CEP89: variants seen among roughly 807,000 people sequenced by gnomAD.
CEP89 encodes centrosomal protein of 89 kDa.
CEP89 carries 95 observed loss-of-function variants against 97.6 expected under a neutral mutation model. That is an observed-to-expected ratio of 0.97 (90% CI 0.82 to 1.15). The LOEUF is 1.15. CEP89 is among the 50% of genes most tolerant of loss of function. The pLI is 0.00. For missense variants in CEP89, 869 were observed against 947.7 expected, an observed-to-expected ratio of 0.92 and a Z score of 1.09; for synonymous variants, 354 against 349.1, an observed-to-expected ratio of 1.01 and a Z score of -0.16.
At chr19:32,948,579 G>A (rs3764635) in intron 4 of CEP89, among the ~76,000 whole-genome samples, 33,733 of 151,948 alleles carry the variant, frequency 0.22, 3,928 homozygotes, top group Admixed American at 0.33. Context: ...AAGCTTAGGG[G>A]GCAAAGGCAA....
chr19:32,887,287 G>A (rs967667934), intron 17 of CEP89, among the ~76,000 whole-genome samples: 2 of 151,346 alleles, frequency 1.3e-5, no homozygotes, highest in Non-Finnish European at 2.9e-5. Flanking sequence ...GTGTGACCTC[G>A]GCTCACCACA....
chr19:32,891,307 C>A (rs1015334247), intron 16 of CEP89, among the ~76,000 whole-genome samples: 42 of 152,260 alleles, frequency 2.8e-4, no homozygotes, highest in African/African-American at 8.7e-4. Context: ...TTCACCACAG[C>A]CTGCAGGGAG....
At chr19:32,966,730 GT>G in intron 1 of CEP89, among the ~76,000 whole-genome samples, 1 of 152,262 alleles carries the variant, frequency 6.6e-6, no homozygotes, top group East Asian at 1.9e-4. Context: ...GTCCCCAAGA[GT>G]CACCCTCTAG....
chr19:32,890,788 C>A (rs1240880844), intron 16 of CEP89, among the ~76,000 whole-genome samples: 1 of 152,090 alleles, frequency 6.6e-6, no homozygotes, highest in Non-Finnish European at 1.5e-5. Context: ...TCTGTGTGAC[C>A]CCACTGCTCC....
chr19:32,915,780 G>A (rs1053000766), intron 13 of CEP89, among the ~76,000 whole-genome samples: 11 of 151,850 alleles, frequency 7.2e-5, no homozygotes, highest in Non-Finnish European at 1.0e-4. Context: ...TTAGCCAGGC[G>A]TGGTGGCAGG....
intron 9 of CEP89, among the ~76,000 whole-genome samples, chr19:32,927,879 G>C (rs1288834922): frequency 7.0e-6 from 1 of 141,946 alleles, no homozygotes; most frequent in African/African-American, 2.6e-5. Context: ...TGCTGGGATT[G>C]CAAGTGTGAG....
chr19:32,925,366 C>T (rs1970333212), intron 11 of CEP89, among the ~76,000 whole-genome samples: 1 of 152,156 alleles, frequency 6.6e-6, no homozygotes, highest in South Asian at 2.1e-4. Flanking sequence ...CCTCACTTCT[C>T]CATTTCCAAC....
At chr19:32,891,554 T>G (rs1347337978) in intron 16 of CEP89, among the ~76,000 whole-genome samples, 3 of 151,800 alleles carry the variant, frequency 2.0e-5, no homozygotes, top group Non-Finnish European at 2.9e-5. Context: ...GAAAAAGAAT[T>G]AAAAATAATG....
chr19:32,890,632 G>A (rs1014068851), intron 16 of CEP89, among the ~76,000 whole-genome samples: 10 of 152,130 alleles, frequency 6.6e-5, no homozygotes, highest in Admixed American at 6.5e-5. Flanking sequence ...GTCTTGGTCG[G>A]GAGCCTGGAG....
At chr19:32,892,877 T>A (rs1014957425) in intron 16 of CEP89, among the ~76,000 whole-genome samples, 3 of 151,760 alleles carry the variant, frequency 2.0e-5, no homozygotes, top group African/African-American at 7.3e-5. Flanking sequence ...TGAAAACACA[T>A]GAAATGATAA....
intron 16 of CEP89, among the ~76,000 whole-genome samples, chr19:32,891,574 A>C (rs900338968): frequency 3.9e-5 from 6 of 152,326 alleles, no homozygotes; most frequent in African/African-American, 1.4e-4. Flanking sequence ...GATATTAAAG[A>C]AGCTCAGTAA....
chr19:32,963,121 C>A (rs894412818), intron 2 of CEP89, among the ~76,000 whole-genome samples: 2 of 152,076 alleles, frequency 1.3e-5, no homozygotes, highest in Non-Finnish European at 1.5e-5. Flanking sequence ...TTTGGGAGGC[C>A]GAGGCGGGTG....
At chr19:32,922,646 G>A (rs1198923155) in intron 12 of CEP89, among the ~76,000 whole-genome samples, 1 of 152,040 alleles carries the variant, frequency 6.6e-6, no homozygotes, top group Admixed American at 6.5e-5. Flanking sequence ...TCAGAAGTTC[G>A]AGACCAGCCT....
intron 3 of CEP89, among the ~76,000 whole-genome samples, chr19:32,957,514 T>A (rs1340331197): frequency 2.6e-5 from 4 of 151,750 alleles, no homozygotes; most frequent in African/African-American, 7.3e-5. Context: ...AAAATAAAAA[T>A]AAAAATTAGC....
At chr19:32,927,140 C>CCATT (rs1970376287) in intron 9 of CEP89, among the ~76,000 whole-genome samples, 156 bp from the exon 10 acceptor site, 1 of 151,502 alleles carries the variant, frequency 6.6e-6, no homozygotes, top group African/African-American at 2.4e-5. Context: ...ACCCATCCAT[C>CCATT]CATCCATCCA....
intron 7 of CEP89, among the ~76,000 whole-genome samples, chr19:32,935,338 T>A (rs1970557578): frequency 6.6e-6 from 1 of 151,952 alleles, no homozygotes; most frequent in Admixed American, 6.6e-5. Flanking sequence ...CCAAGAGGTA[T>A]CAAACAGCAG....
intron 7 of CEP89, among the ~76,000 whole-genome samples, chr19:32,934,441 T>C (rs368963904): frequency 6.6e-6 from 1 of 152,096 alleles, no homozygotes; most frequent in Admixed American, 6.5e-5. Context: ...CACGGGGAGA[T>C]GTGCTCCGAA....
intron 16 of CEP89, 130 bp from the exon 17 acceptor site, chr19:32,887,971 T>G: frequency 4.8e-6 from 3 of 630,108 alleles, no homozygotes; most frequent in African/African-American, 1.8e-5. Context: ...CCTCAACCCC[T>G]TCCCCACCCA....
chr19:32,893,080 A>G (rs1969567828), intron 16 of CEP89, among the ~76,000 whole-genome samples: 1 of 151,714 alleles, frequency 6.6e-6, no homozygotes, highest in African/African-American at 2.4e-5. Context: ...TCCACTTAAA[A>G]GATACAGACT....
Sources: allele counts gnomAD v4.1 joint callset (sites outside exome capture counted in the v4.1 genomes callset), GRCh38; gene constraint gnomAD v4.1.1; transcripts MANE v1.5; gene names NCBI Gene and HGNC (gene_info 2026-07-23, HGNC 2026-07-21).